Variants in LBR observed in about 807,000 individuals in gnomAD.
The protein encoded by LBR is lamin B receptor.
In LBR, 28 loss-of-function variants were observed where a neutral mutation model predicts 74.3. The observed-to-expected ratio is 0.38, with a 90% CI of 0.28 to 0.52. LBR has a LOEUF of 0.52. LBR is among the 20% of genes least tolerant of loss of function. The pLI, the probability that LBR is intolerant of heterozygous loss-of-function variation, is 0.89. For synonymous variants in LBR, 228 were observed against 269.3 expected (o/e 0.85, Z 1.50); for missense variants, 717 against 760.3 (o/e 0.94, Z 0.67).
intron 3 of LBR, among the ~76,000 whole-genome samples, chr1:225,421,318 C>G (rs945169365): frequency 3.3e-5 from 5 of 152,214 alleles, no homozygotes; most frequent in Admixed American, 3.3e-4. Context: ...ACGGTGAAAC[C>G]CTGTCTCTAC....
Position 225,403,201 on chromosome 1 carries a change from G to T in LBR, c.*102C>A. 2 of 1,102,780 alleles carry T rather than the reference G, an allele frequency of 1.8e-6. No homozygotes were observed. The highest frequency in any genetic ancestry group is 2.1e-4 in the Middle Eastern group (1 of 4,876). 68.3% of individuals were successfully genotyped at this position (1,102,780 alleles called of 1,614,324 possible). On this transcript the variant is annotated 3_prime_UTR_variant, in exon 14 of 14. Coordinates refer to ENST00000272163, the MANE Select transcript of LBR (RefSeq NM_002296.4). Reference sequence around the variant, plus strand: ...ACTCAAAAAGAAAAAAAAAAGTACAGACCCTGTCAGTGCAACAAAAGAAAG... The same window carrying T: ...ACTCAAAAAGAAAAAAAAAAGTACATACCCTGTCAGTGCAACAAAAGAAAG...
chr1:225,424,313 C>T (rs571271935), intron 1 of LBR, among the ~76,000 whole-genome samples: 13 of 152,280 alleles, frequency 8.5e-5, no homozygotes, highest in Admixed American at 7.8e-4. Flanking sequence ...TGTATATAGG[C>T]GCCATAAGTT....
At chr1:225,417,855 G>A in intron 6 of LBR, 129 bp downstream of exon 6, 1 of 802,200 alleles carries the variant, frequency 1.2e-6, no homozygotes, top group South Asian at 1.5e-5. Flanking sequence ...GCATGGCACA[G>A]GCCTGTGGTC....
Position 225,419,218 on chromosome 1 carries a change from T to G in LBR, c.640+45A>C, listed in dbSNP as rs1412681909. On this transcript the variant is annotated intron_variant, in intron 5 of 13. Coordinates refer to ENST00000272163, the MANE Select transcript of LBR (RefSeq NM_002296.4). ...CAGTTCACCTTGTGGCAACCACCCC[T>G]AGCTCACCCCACCTGCCCTCTCTGG... 5.7e-6 allele frequency: 9 copies of G among 1,590,190 alleles called. No homozygotes were observed. In the African/African-American group the frequency reaches 1.2e-4, roughly 21 times the overall value.
At chr1:225,426,206 C>T (rs546466096) in intron 1 of LBR, among the ~76,000 whole-genome samples, 1 of 151,518 alleles carries the variant, frequency 6.6e-6, no homozygotes, top group South Asian at 2.1e-4. Flanking sequence ...GATGTGCACC[C>T]CCACTTTACA....
At chr1:225,417,884 G>T in intron 6 of LBR, 100 bp downstream of exon 6, 3 of 1,069,586 alleles carry the variant, frequency 2.8e-6, no homozygotes, top group Non-Finnish European at 4.2e-6. Context: ...TCAGGAGGCT[G>T]CGGCAAGAGG....
chr1:225,403,493 AT>A, intron 13 of LBR, 30 bp from the exon 14 acceptor site: 2 of 1,536,206 alleles, frequency 1.3e-6, no homozygotes, highest in Non-Finnish European at 1.8e-6. Flanking sequence ...ACAGTATTAG[AT>A]ATTTTTATTA....
At chr1:225,427,132 T>TGAAC (rs2096141072) in intron 1 of LBR, among the ~76,000 whole-genome samples, 1 of 151,980 alleles carries the variant, frequency 6.6e-6, no homozygotes, top group Non-Finnish European at 1.5e-5. Flanking sequence ...CGCCCTCGTG[T>TGAAC]GAACACCCGA....
At chr1:225,416,211 AAAAG>A (rs1490406895) in intron 6 of LBR, among the ~76,000 whole-genome samples, 88 of 146,222 alleles carry the variant, frequency 6.0e-4, no homozygotes, top group Admixed American at 1.4e-3. Context: ...AAAAAAAAAA[AAAAG>A]AGAGAGAGAG....
chr1:225,410,163 CCT>C (rs2096101713), intron 10 of LBR, 126 bp downstream of exon 10: 1 of 1,422,666 alleles, frequency 7.0e-7, no homozygotes, highest in African/African-American at 1.4e-5. Context: ...GCCTCGTCCT[CCT>C]CTCAAGCAGC....
chr1:225,406,647 C>G lies in LBR; in HGVS notation c.1483+17G>C. On this transcript the variant is annotated intron_variant, in intron 11 of 13. Transcript: ENST00000272163. ...TAATATTTAATAAATTAAACTGAGA[C>G]TAAAATTAATACTCACGTTTCAGAA... The G allele has an allele frequency of 6.2e-7, 1 of 1,603,020 alleles. No individual in the cohort carries two copies. The highest frequency in any genetic ancestry group is 8.5e-7 in the Non-Finnish European group (1 of 1,173,350).
In LBR at chr1:225,418,143, G is replaced by A; in HGVS notation, c.678C>T (p.Leu226=). ...FLIMFGLPVF[L]FLLLLMCKQK... is the part of the protein sequence containing the mutation. ...GTTTACACATCAACAGCAACAGGAA[G>A]AGGAACACAGGCAGGCCAAACATGA... The change falls in exon 6 of 14, where the codon CTC becomes CTT. Residue 226 remains leucine (L), a synonymous_variant. Transcript: ENST00000272163. The A allele has an allele frequency of 6.2e-7, 1 of 1,614,122 alleles. No homozygotes were observed. Among genetic ancestry groups the A allele is most frequent in the Non-Finnish European group, 8.5e-7 (1 of 1,179,990 alleles).
At chr1:225,412,678 T>G (rs776200023) in intron 7 of LBR, 33 bp from the exon 8 acceptor site, 1 of 1,555,022 alleles carries the variant, frequency 6.4e-7, no homozygotes, top group Non-Finnish European at 8.7e-7. Flanking sequence ...AAGTGGAAAA[T>G]TAATATTAAC....
At chr1:225,413,296 A>G (rs1164981315) in intron 7 of LBR, among the ~76,000 whole-genome samples, 1 of 152,242 alleles carries the variant, frequency 6.6e-6, no homozygotes, top group Non-Finnish European at 1.5e-5. Context: ...ATGCCAAGTT[A>G]AAAAGCACCC....
chr1:225,405,241 C>T (rs1396956255), intron 11 of LBR, among the ~76,000 whole-genome samples: 1 of 152,208 alleles, frequency 6.6e-6, no homozygotes, highest in East Asian at 1.9e-4. Flanking sequence ...CTATAAGTTC[C>T]TAATTTTATC....
In LBR at chr1:225,422,199, A is replaced by AC; in HGVS notation, c.243dup (p.Ser82ValfsTer11). Reference sequence around the variant, plus strand: ...GGTCGACCAGGGGATCGGGAGCGTGACCTTGATCGACTCCCTCGGCGTCTG... The same window carrying AC: ...GGTCGACCAGGGGATCGGGAGCGTGACCCTTGATCGACTCCCTCGGCGTCTG... On this transcript the variant is annotated frameshift_variant, in exon 3 of 14. Coordinates refer to ENST00000272163, the MANE Select transcript of LBR (RefSeq NM_002296.4). LOFTEE classifies it high-confidence loss of function. The AC allele has an allele frequency of 6.2e-7, 1 of 1,613,948 alleles. No homozygotes were observed.
Position 225,410,383 on chromosome 1 carries a change from T to C in LBR, c.1222A>G (p.Met408Val). 2 of 1,614,194 alleles carry C rather than the reference T, an allele frequency of 1.2e-6. No individual in the cohort carries two copies. Among genetic ancestry groups the C allele is most frequent in the Non-Finnish European group, 8.5e-7 (1 of 1,180,046 alleles). Reference protein sequence around the residue: ...VINLVMLLAEMKIQDRAVPSL... With the variant: ...VINLVMLLAEVKIQDRAVPSL... ...GGAACAGCGCGGTCCTGTATTTTCA[T>C]TTCAGCCAAAAGCATCACCAAGTTA... The change falls in exon 10 of 14, where the codon ATG becomes GTG. Residue 408 changes from methionine (M) to valine (V), a missense_variant. Met to Val is a conservative substitution (Grantham distance 21). Transcript: ENST00000272163.
At chr1:225,422,395 C>A in intron 2 of LBR, 118 bp from the exon 3 acceptor site, 2 of 811,958 alleles carry the variant, frequency 2.5e-6, no homozygotes, top group Non-Finnish European at 4.1e-6. Context: ...AAAATCAGCA[C>A]GGGAAATGTT....
chr1:225,425,183 G>C (rs911274914), intron 1 of LBR, among the ~76,000 whole-genome samples: 2 of 151,486 alleles, frequency 1.3e-5, no homozygotes, highest in African/African-American at 4.9e-5. Context: ...GAATTAAGGA[G>C]AAAGTTGAAT....
Sources: gnomAD v4.1 joint callset for allele counts (sites outside exome capture counted in the v4.1 genomes callset) on GRCh38, gnomAD v4.1.1 for gene constraint, MANE v1.5 for transcripts, NCBI Gene and HGNC (gene_info 2026-07-23, HGNC 2026-07-21) for gene names.